The following PRDM10 variants were observed in gnomAD, a reference collection of about 807,000 sequenced individuals.
The protein encoded by PRDM10 is PR domain zinc finger protein 10.
In PRDM10, 65 loss-of-function variants were observed where a neutral mutation model predicts 133.1. The observed-to-expected ratio is 0.49, with a 90% confidence interval of 0.40 to 0.60. The LOEUF (loss-of-function observed/expected upper bound fraction) is 0.60. PRDM10 is among the 20% of genes least tolerant of loss of function. PRDM10 has a pLI of 0.00. For missense variants in PRDM10, 1,137 were observed against 1,507.1 expected (o/e 0.75, Z 4.07); for synonymous variants, 582 against 580.4 (o/e 1.00, Z -0.04).
intron 1 of PRDM10, among the ~76,000 whole-genome samples, chr11:130,001,122 G>A (rs1000734548): frequency 6.6e-6 from 1 of 152,122 alleles, no homozygotes; most frequent in African/African-American, 2.4e-5. Flanking sequence ...ACCTAGCAAA[G>A]TTCCTTTCTA....
chr11:129,902,198 T>A lies in PRDM10; in HGVS notation c.*115A>T, dbSNP rs1324597633. 7.2e-7 allele frequency: 1 copy of A among 1,395,248 alleles called. No homozygotes were observed. Among genetic ancestry groups the A allele is most frequent in the African/African-American group, 1.4e-5 (1 of 69,124 alleles). 86.4% of individuals were successfully genotyped at this position (1,395,248 alleles called of 1,614,324 possible). The stretch of plus-strand genomic sequence containing the variant: ...GTATGGATGAGAGACAAAACTGTGG[T>A]TTCCGAACTCTTGAGTGAATAATAA... On this transcript the variant is annotated 3_prime_UTR_variant, in exon 21 of 21. Coordinates refer to ENST00000360871, the MANE Select transcript of PRDM10 (RefSeq NM_199437.2).
chr11:129,909,131 C>T (rs1232424765), intron 19 of PRDM10, among the ~76,000 whole-genome samples: 1 of 152,170 alleles, frequency 6.6e-6, no homozygotes, highest in Admixed American at 6.5e-5. Context: ...AGACCCAGCC[C>T]TCAATGTGAC....
rs57429782 is a variant in PRDM10 at position 129,923,643 on chromosome 11, T to TGAGAGAGAGAGAGAGAGAGAGA, written c.1879-262_1879-241dup. Among the ~76,000 whole-genome samples the TGAGAGAGAGAGAGAGAGAGAGA allele has an allele frequency of 3.3e-4, 22 of 65,880 alleles. 4 individuals are homozygous for TGAGAGAGAGAGAGAGAGAGAGA. The East Asian group carries it at 3.5e-3, about 11-fold the overall frequency. The allele number at this position is 65,880 out of a possible 152,430, so 43.2% of individuals were successfully genotyped here. A position where few individuals can be genotyped will look rare whatever the true frequency, so the allele number is the denominator to read the frequency against. On this transcript the variant is annotated intron_variant, in intron 12 of 20. Transcript: ENST00000360871. This position sits in a 1 kb window ranked among gnomAD's most constrained non-coding sequence, Gnocchi z 4.4. ...CGAACCTCCCCGATGACTTGAAACG[T>TGAGAGAGAGAGAGAGAGAGAGA]GAGAGAGAGAGAGAGAGAGAGAGAG...
At chr11:129,942,986 C>T (rs1591639477) in intron 6 of PRDM10, among the ~76,000 whole-genome samples, 1 of 152,310 alleles carries the variant, frequency 6.6e-6, no homozygotes, top group East Asian at 1.9e-4. Context: ...TCATTGCATT[C>T]ATTTATAATA....
At chr11:129,926,865 A>G (rs1033025154) in intron 11 of PRDM10, among the ~76,000 whole-genome samples, 1 of 152,260 alleles carries the variant, frequency 6.6e-6, no homozygotes, top group African/African-American at 2.4e-5. Flanking sequence ...AACTCAAAAA[A>G]ATGATTTCAA....
At chr11:129,906,147 C>T (rs1950009015) in intron 19 of PRDM10, among the ~76,000 whole-genome samples, 1 of 152,126 alleles carries the variant, frequency 6.6e-6, no homozygotes, top group African/African-American at 2.4e-5. Flanking sequence ...ATTTCACCAC[C>T]AGTGTTATTA....
chr11:129,942,567 C>A lies in PRDM10; in HGVS notation c.825G>T (p.Leu275Phe). 6.2e-7 allele frequency: 1 copy of A among 1,609,904 alleles called. No individual in the cohort carries two copies. The highest frequency in any genetic ancestry group is 8.5e-7 in the Non-Finnish European group (1 of 1,177,964). ...RDLHEDLWFE[L>F]SDETLCNWMM... is the part of the protein sequence containing the mutation. Reference sequence around the variant, plus strand: ...TCCAGTTACAAAGCGTCTCATCAGACAACTCAAACCATAGGTCTTCATGTA... The same window carrying A: ...TCCAGTTACAAAGCGTCTCATCAGAAAACTCAAACCATAGGTCTTCATGTA... Residue 275 changes from leucine to phenylalanine, a missense_variant, in exon 7 of 21, where the codon TTG becomes TTT. Physicochemically the swap from Leu to Phe is conservative, Grantham distance 22. Around this residue, in one of 6 missense-constraint regions of PRDM10, gnomAD observed 635 missense variants for 835.2 expected, o/e 0.76. Coordinates refer to ENST00000360871, the MANE Select transcript of PRDM10 (RefSeq NM_199437.2).
rs141148787 is a variant in PRDM10, at chr11:129,971,125, A to G, written c.-118-10043T>C. The stretch of plus-strand genomic sequence containing the variant: ...GGGTTCATGGTCTCGCTGGTTCAGG[A>G]GTGAAGCTGCAAACCTTCGCGGTGA... On this transcript the variant is annotated intron_variant, in intron 1 of 20. Coordinates refer to ENST00000360871, the MANE Select transcript of PRDM10 (RefSeq NM_199437.2). 8.1e-3 allele frequency among the ~76,000 whole-genome samples: 1,231 copies of G among 152,246 alleles called. 18 individuals are homozygous for G. Among genetic ancestry groups the G allele is most frequent in the African/African-American group, 0.028 (1,155 of 41,544 alleles).
At chr11:129,955,455 C>T (rs1951678379) in intron 4 of PRDM10, 57 bp downstream of exon 4, 10 of 1,542,062 alleles carry the variant, frequency 6.5e-6, no homozygotes, top group Non-Finnish European at 9.0e-6. Flanking sequence ...ATGGGGCATT[C>T]CAGGCGCAGT....
chr11:129,996,925 TG>T (rs1164101889), intron 1 of PRDM10, among the ~76,000 whole-genome samples: 1 of 152,058 alleles, frequency 6.6e-6, no homozygotes, highest in Non-Finnish European at 1.5e-5. Context: ...AGAAACTAGT[TG>T]AAAGAGTTGA....
At chr11:129,978,438 C>T (rs1331606870) in intron 1 of PRDM10, among the ~76,000 whole-genome samples, 1 of 152,156 alleles carries the variant, frequency 6.6e-6, no homozygotes, top group Non-Finnish European at 1.5e-5. Flanking sequence ...TGTAGCATGT[C>T]CTAAAGAAAT....
At chr11:129,994,226 T>G (rs1938911420) in intron 1 of PRDM10, among the ~76,000 whole-genome samples, 2 of 102,584 alleles carry the variant, frequency 1.9e-5, no homozygotes, top group Admixed American at 1.1e-4. Flanking sequence ...ATCCCAGCAC[T>G]TTGGGAGGCC....
intron 1 of PRDM10, among the ~76,000 whole-genome samples, chr11:130,001,612 C>T (rs1369353179): frequency 1.3e-5 from 2 of 152,216 alleles, no homozygotes; most frequent in African/African-American, 4.8e-5. Context: ...TAAAATCCAA[C>T]TCATCCACCA....
At chr11:129,907,828 G>A (rs965029391) in intron 19 of PRDM10, among the ~76,000 whole-genome samples, 1 of 152,072 alleles carries the variant, frequency 6.6e-6, no homozygotes, top group African/African-American at 2.4e-5. Flanking sequence ...AGGGGCTCAC[G>A]CCTGTCATCC....
At chr11:129,906,956 T>G (rs1950033604) in intron 19 of PRDM10, among the ~76,000 whole-genome samples, 1 of 146,938 alleles carries the variant, frequency 6.8e-6, no homozygotes, top group Non-Finnish European at 1.5e-5. Context: ...TAGGCCTGAG[T>G]GACAAAGCGA....
chr11:129,982,856 G>A (rs1485253903), intron 1 of PRDM10, among the ~76,000 whole-genome samples: 2 of 152,118 alleles, frequency 1.3e-5, no homozygotes, highest in Non-Finnish European at 2.9e-5. Context: ...AGCTACTCAG[G>A]AGGCTAGGGT....
chr11:129,988,715 T>C (rs1020741628), intron 1 of PRDM10, among the ~76,000 whole-genome samples: 34 of 152,214 alleles, frequency 2.2e-4, no homozygotes, highest in Admixed American at 1.3e-3. Context: ...CTGCAAGCTC[T>C]GCCTCCCAGG....
chr11:129,915,671 A>G lies in PRDM10; in HGVS notation c.2515T>C (p.Tyr839His). 6.2e-7 allele frequency: 1 copy of G among 1,604,368 alleles called. No individual in the cohort carries two copies. Among genetic ancestry groups the G allele is most frequent in the Non-Finnish European group, 8.5e-7 (1 of 1,174,300 alleles). ...PVCCPHCSKQ[Y>H]SSKTKMVQHI... ...GAAACTCCCCCTACCTTGCTGCTGT[A>G]CTGCTTGGAGCAGTGGGGACAGCAG... The change falls in exon 16 of 21, where the codon TAC (tyrosine) becomes CAC (histidine). Residue 839 changes from tyrosine (Y) to histidine (H), a missense_variant. Coordinates refer to ENST00000360871, the MANE Select transcript of PRDM10 (RefSeq NM_199437.2).
chr11:129,963,377 A>AAAGAGAAAAGAG (rs148674750), intron 1 of PRDM10, among the ~76,000 whole-genome samples: 1 of 97,148 alleles, frequency 1.0e-5, no homozygotes, highest in Non-Finnish European at 1.8e-5. Context: ...TGCTGAAAGA[A>AAAGAGAAAAGAG]AAAAGAGAGA....
Sources: allele counts gnomAD v4.1 joint callset (sites outside exome capture counted in the v4.1 genomes callset), GRCh38; gene constraint gnomAD v4.1.1; regional missense constraint gnomAD v4.1.1; non-coding constraint Gnocchi (gnomAD v3.1); transcripts MANE v1.5; gene names NCBI Gene and HGNC (gene_info 2026-07-23, HGNC 2026-07-21).